GPR158: variants seen among roughly 807,000 people sequenced by gnomAD.
GPR158 encodes metabotropic glycine receptor.
In GPR158, 30 loss-of-function variants were observed where a neutral mutation model predicts 78.2. The observed-to-expected ratio is 0.38, with a 90% CI of 0.29 to 0.52. The LOEUF (loss-of-function observed/expected upper bound fraction) is 0.52, where lower values mean the gene tolerates loss of function less well. Among genes scored for constraint, GPR158 ranks in the 20% least tolerant of loss-of-function variants. The pLI is 0.83. For missense variants in GPR158, 1,463 were observed against 1,523.5 expected (o/e 0.96, Z 0.66); for synonymous variants, 581 against 591.1 (o/e 0.98, Z 0.25).
chr10:25,595,459 T>C (rs1188197544), intron 9 of GPR158, among the ~76,000 whole-genome samples: 2 of 152,228 alleles, frequency 1.3e-5, no homozygotes, highest in African/African-American at 4.8e-5. Context: ...AGGATGTTCA[T>C]AGCAGTGTTA....
chr10:25,398,984 T>G (rs1834404920), intron 3 of GPR158, among the ~76,000 whole-genome samples: 1 of 152,078 alleles, frequency 6.6e-6, no homozygotes, highest in Non-Finnish European at 1.5e-5. Context: ...AGTGGGTGAG[T>G]GTATTAGCCC....
chr10:25,588,463 T>C (rs890656667), intron 7 of GPR158, among the ~76,000 whole-genome samples: 7 of 152,248 alleles, frequency 4.6e-5, no homozygotes, highest in Non-Finnish European at 1.5e-5. Flanking sequence ...TTCTGTCATG[T>C]GTGACAAAAC....
intron 1 of GPR158, among the ~76,000 whole-genome samples, chr10:25,208,191 A>G (rs1423667620): frequency 6.6e-6 from 1 of 152,178 alleles, no homozygotes; most frequent in Non-Finnish European, 1.5e-5. Context: ...TTGTTATTTC[A>G]ATTGATTTTT....
At chr10:25,577,181 G>T (rs996248284) in intron 7 of GPR158, among the ~76,000 whole-genome samples, 3 of 152,034 alleles carry the variant, frequency 2.0e-5, no homozygotes, top group African/African-American at 7.3e-5. Flanking sequence ...CCTTTTTACA[G>T]TCTCTTTATA....
At chr10:25,419,035 A>G (rs957153038) in intron 4 of GPR158, among the ~76,000 whole-genome samples, 6 of 152,166 alleles carry the variant, frequency 3.9e-5, no homozygotes, top group African/African-American at 4.8e-5. Flanking sequence ...TCTAATGACT[A>G]TTTTGGTAAA....
In GPR158 at chr10:25,551,077, A is replaced by C; in HGVS notation, c.1506A>C (p.Lys502Asn). Reference protein sequence around the residue: ...FATVYGTVTLKLHRVLKVFLS... With the variant: ...FATVYGTVTLNLHRVLKVFLS... ...CTGTTTACGGAACTGTCACTCTCAA[A>C]CTTCACAGGTATATACATTTTATTC... The change falls in exon 6 of 11, where the codon AAA becomes AAC. Residue 502 changes from lysine to asparagine, a missense_variant. Lys to Asn is a moderately conservative substitution (Grantham distance 94). Transcript: ENST00000376351. The C allele has an allele frequency of 2.0e-6, 3 of 1,522,122 alleles. No homozygotes were observed. Among genetic ancestry groups the C allele is most frequent in the Non-Finnish European group, 2.7e-6 (3 of 1,096,094 alleles). 94.3% of individuals were successfully genotyped at this position (1,522,122 alleles called of 1,614,324 possible). A position where few individuals can be genotyped will look rare whatever the true frequency, so the allele number is the denominator to read the frequency against.
intron 2 of GPR158, among the ~76,000 whole-genome samples, chr10:25,229,078 T>C (rs1853414720): frequency 6.7e-6 from 1 of 149,682 alleles, no homozygotes; most frequent in South Asian, 2.1e-4. Context: ...TAGCTCGCAG[T>C]TTGTAAGAGG....
At chr10:25,525,597 T>C (rs1209677917) in intron 5 of GPR158, among the ~76,000 whole-genome samples, 3 of 152,188 alleles carry the variant, frequency 2.0e-5, no homozygotes, top group African/African-American at 7.2e-5. Context: ...TTACTTGAAT[T>C]GTCCAGAATT....
intron 5 of GPR158, among the ~76,000 whole-genome samples, chr10:25,512,309 G>A (rs1294180493): frequency 1.3e-5 from 2 of 151,908 alleles, no homozygotes; most frequent in Admixed American, 6.6e-5. Flanking sequence ...AAAGGCAGTC[G>A]AATTCTTGAT....
intron 2 of GPR158, among the ~76,000 whole-genome samples, chr10:25,257,360 C>T (rs1853903231): frequency 6.6e-6 from 1 of 152,152 alleles, no homozygotes; most frequent in Non-Finnish European, 1.5e-5. Context: ...CTTTGGGGGA[C>T]ATACTCAAAC....
At chr10:25,363,637 GT>G (rs200007515) in intron 2 of GPR158, among the ~76,000 whole-genome samples, 1,730 of 151,974 alleles carry the variant, frequency 0.011, 8 homozygotes, top group Non-Finnish European at 0.016. Context: ...TTACAATGAG[GT>G]GATCCCTGGG....
intron 4 of GPR158, among the ~76,000 whole-genome samples, chr10:25,455,028 ACTT>A (rs1399499925): frequency 1.3e-5 from 2 of 152,070 alleles, no homozygotes; most frequent in Non-Finnish European, 2.9e-5. Flanking sequence ...CATAAAACCC[ACTT>A]CTTTATTTCT....
intron 4 of GPR158, among the ~76,000 whole-genome samples, chr10:25,465,576 T>C (rs931234650): frequency 1.3e-5 from 2 of 152,238 alleles, no homozygotes; most frequent in Non-Finnish European, 2.9e-5. Context: ...TTTTGAATTT[T>C]GAGTAAAGAA....
At chr10:25,413,099 T>C (rs754747928) in intron 4 of GPR158, among the ~76,000 whole-genome samples, 15 of 152,110 alleles carry the variant, frequency 9.9e-5, no homozygotes, top group African/African-American at 3.4e-4. Flanking sequence ...GGCTGGAGAA[T>C]TGCTTGAGGC....
chr10:25,473,202 A>G (rs531360336), intron 5 of GPR158, among the ~76,000 whole-genome samples: 1 of 142,266 alleles, frequency 7.0e-6, no homozygotes, highest in East Asian at 2.0e-4. Flanking sequence ...TTCTGCATCT[A>G]TTGAGATAAT....
intron 3 of GPR158, among the ~76,000 whole-genome samples, chr10:25,402,392 G>A (rs1210326714): frequency 1.3e-5 from 2 of 152,006 alleles, no homozygotes; most frequent in African/African-American, 2.4e-5. Flanking sequence ...AGCCGCAAAG[G>A]ACATTATTCT....
intron 2 of GPR158, among the ~76,000 whole-genome samples, chr10:25,301,709 T>C (rs1854597815): frequency 1.4e-5 from 2 of 145,298 alleles, no homozygotes; most frequent in African/African-American, 5.7e-5. Context: ...AGATTTTTTT[T>C]TGAGATTCTA....
intron 4 of GPR158, among the ~76,000 whole-genome samples, chr10:25,416,139 T>G (rs939312033): frequency 6.6e-6 from 1 of 152,130 alleles, no homozygotes; most frequent in Non-Finnish European, 1.5e-5. Context: ...CACTAGGTGT[T>G]TGTCTTTTGT....
chr10:25,372,291 T>C (rs887215665), intron 2 of GPR158, among the ~76,000 whole-genome samples: 1 of 151,906 alleles, frequency 6.6e-6, no homozygotes, highest in African/African-American at 2.4e-5. Flanking sequence ...ATTGTGGAAG[T>C]CAGTGTGGTG....
Sources: gnomAD v4.1 joint callset for allele counts (sites outside exome capture counted in the v4.1 genomes callset) on GRCh38, gnomAD v4.1.1 for gene constraint, MANE v1.5 for transcripts, NCBI Gene and HGNC (gene_info 2026-07-23, HGNC 2026-07-21) for gene names.